The following ST3GAL2 variants were observed in gnomAD, a reference collection of about 807,000 sequenced individuals.
ST3GAL2 encodes ST3 beta-galactoside alpha-2,3-sialyltransferase 2, also known as CMP-N-acetylneuraminate-beta-galactosamide-alpha-2,3-sialyltransferase 2.
Under a neutral mutation model 37.5 loss-of-function variants are expected in ST3GAL2, and 16 were observed. That is an observed-to-expected ratio of 0.43 (90% CI 0.29 to 0.65). The LOEUF (loss-of-function observed/expected upper bound fraction) is 0.65. ST3GAL2 is among the 30% of genes least tolerant of loss of function. The pLI is 0.17. For missense variants in ST3GAL2, 383 were observed against 487.8 expected (o/e 0.79, Z 2.02); for synonymous variants, 238 against 202.9 (o/e 1.17, Z -1.47).
rs905140712 is a variant in ST3GAL2, at chr16:70,439,017, A to AGCCGTC, written c.-1078_-1073dup. ...GGCCGCCGCCGCCGCCCGCGCAGAA[A>AGCCGTC]GCCGTCGCCGCCGCCGCCGCCGCCG... is the stretch of plus-strand genomic sequence containing the variant. On this transcript the variant is annotated 5_prime_UTR_variant, in exon 1 of 7. Coordinates refer to ENST00000342907, the MANE Select transcript of ST3GAL2 (RefSeq NM_006927.4). The AGCCGTC allele has an allele frequency of 1.1e-4, 17 of 161,416 alleles. No individual in the cohort carries two copies. The highest frequency in any genetic ancestry group is 5.8e-3 in the Middle Eastern group (2 of 342). The allele number at this position is 161,416 out of a possible 1,614,324, so 10.0% of individuals were successfully genotyped here.
Position 70,398,821 on chromosome 16 carries a change from C to A in ST3GAL2, c.-291G>T. 1.8e-6 allele frequency: 1 copy of A among 565,128 alleles called. No individual in the cohort carries two copies. The highest frequency in any genetic ancestry group is 2.5e-5 in the South Asian group (1 of 40,562). 35.0% of individuals were successfully genotyped at this position (565,128 alleles called of 1,614,324 possible). A position where few individuals can be genotyped will look rare whatever the true frequency, so the allele number is the denominator to read the frequency against. On this transcript the variant is annotated 5_prime_UTR_variant, in exon 2 of 7. Transcript: ENST00000342907. ...ACAGAGGCTCTGCCTCTCCTGCCACCCTGGTGAGGGGGAGGTCAGTCCATT... is the reference window on the plus strand; with the variant it reads ...ACAGAGGCTCTGCCTCTCCTGCCACACTGGTGAGGGGGAGGTCAGTCCATT...
intron 1 of ST3GAL2, among the ~76,000 whole-genome samples, chr16:70,413,160 G>A (rs1485446455): frequency 6.6e-6 from 1 of 151,948 alleles, no homozygotes; most frequent in Non-Finnish European, 1.5e-5. Flanking sequence ...TGAGACAGGA[G>A]ACTCACTTGA....
intron 3 of ST3GAL2, among the ~76,000 whole-genome samples, chr16:70,389,102 G>A (rs1348112114): frequency 2.7e-4 from 36 of 135,244 alleles, no homozygotes; most frequent in South Asian, 4.8e-4. Context: ...AAGGTTGGCC[G>A]GGCGCGGTGG....
At chr16:70,423,180 G>C (rs569916173) in intron 1 of ST3GAL2, 6 of 152,176 alleles carry the variant, frequency 3.9e-5, no homozygotes, top group Admixed American at 6.6e-5. Flanking sequence ...ATCTCCCCCC[G>C]GGCCATTAAG....
At chr16:70,395,972 CTTT>C (rs11353666) in intron 2 of ST3GAL2, among the ~76,000 whole-genome samples, 9 of 141,648 alleles carry the variant, frequency 6.4e-5, no homozygotes, top group African/African-American at 1.0e-4. Flanking sequence ...ATGAAATACT[CTTT>C]TTTTTTTTTT....
At chr16:70,397,043 C>CCT (rs552086739) in intron 2 of ST3GAL2, among the ~76,000 whole-genome samples, 1 of 130,286 alleles carries the variant, frequency 7.7e-6, no homozygotes, top group Non-Finnish European at 1.6e-5. Flanking sequence ...TCTTTTCTTT[C>CCT]TTTTTTTTTT....
At position 70,420,702 on chromosome 16, in the gene ST3GAL2, C is replaced by A. The variant is rs780307330; in HGVS notation, c.-1004+18247G>T. Among the ~76,000 whole-genome samples, 110 of 152,314 alleles carry A rather than the reference C, an allele frequency of 7.2e-4. 2 individuals are homozygous for A. The highest frequency in any genetic ancestry group is 3.4e-3 in the Middle Eastern group (1 of 294). Reference sequence around the variant, plus strand: ...TGTTTTTATTCTTTGCACGCCCTATCTTTAGCTTTCTTTTGTTCTCCTTTT... The same window carrying A: ...TGTTTTTATTCTTTGCACGCCCTATATTTAGCTTTCTTTTGTTCTCCTTTT... On this transcript the variant is annotated intron_variant, in intron 1 of 6. Transcript: ENST00000342907.
intron 2 of ST3GAL2, 106 bp from the exon 3 acceptor site, chr16:70,395,281 C>A: frequency 9.4e-7 from 1 of 1,068,800 alleles, no homozygotes; most frequent in Non-Finnish European, 1.3e-6. Flanking sequence ...TGTCTGGGCA[C>A]AGGCCTCTTT....
chr16:70,421,403 C>T (rs149054840), intron 1 of ST3GAL2, among the ~76,000 whole-genome samples: 4 of 152,316 alleles, frequency 2.6e-5, no homozygotes, highest in Admixed American at 1.3e-4. Flanking sequence ...GTCCCTGCTG[C>T]CCATCCTCAA....
chr16:70,430,956 G>A, intron 1 of ST3GAL2, among the ~76,000 whole-genome samples: 1 of 152,068 alleles, frequency 6.6e-6, no homozygotes, highest in East Asian at 1.9e-4. Flanking sequence ...TCAAATCGCT[G>A]GTGCTTTGTG....
At chr16:70,420,380 G>A (rs191411053) in intron 1 of ST3GAL2, among the ~76,000 whole-genome samples, 1 of 152,300 alleles carries the variant, frequency 6.6e-6, no homozygotes, top group Admixed American at 6.5e-5. Flanking sequence ...GGGAGACCTA[G>A]GGAAACAGGC....
At chr16:70,382,964 G>A (rs2047416569) in intron 5 of ST3GAL2, 40 bp from the exon 6 acceptor site, 3 of 1,605,574 alleles carry the variant, frequency 1.9e-6, no homozygotes, top group African/African-American at 2.7e-5. Flanking sequence ...AGGGGTTTAG[G>A]GGCAGAGATT....
intron 1 of ST3GAL2, among the ~76,000 whole-genome samples, chr16:70,428,666 C>A (rs1187542572): frequency 6.6e-6 from 1 of 152,242 alleles, no homozygotes; most frequent in African/African-American, 2.4e-5. Context: ...AAGGTCCCCA[C>A]ACGTCCCCTG....
intron 1 of ST3GAL2, among the ~76,000 whole-genome samples, chr16:70,414,247 A>G (rs945825683): frequency 2.0e-5 from 3 of 152,204 alleles, no homozygotes; most frequent in Non-Finnish European, 4.4e-5. Context: ...AGCCAACACA[A>G]TGAGGGCAGG....
intron 2 of ST3GAL2, among the ~76,000 whole-genome samples, chr16:70,397,618 T>C (rs113139856): frequency 0.088 from 13,361 of 151,698 alleles, 1,958 homozygotes; most frequent in African/African-American, 0.31. Context: ...TCCAGCTACT[T>C]GGGAGGCTGA....
chr16:70,411,077 G>A (rs1304996762), intron 1 of ST3GAL2, among the ~76,000 whole-genome samples: 2 of 152,014 alleles, frequency 1.3e-5, no homozygotes, highest in South Asian at 2.1e-4. Flanking sequence ...GGGCCATCTT[G>A]GAAAGATTTT....
chr16:70,436,180 C>G (rs1452903691), intron 1 of ST3GAL2, among the ~76,000 whole-genome samples: 1 of 145,308 alleles, frequency 6.9e-6, no homozygotes, highest in East Asian at 2.1e-4. Flanking sequence ...GTAATCCCAG[C>G]ACTTTGGGAG....
chr16:70,414,053 A>G (rs2151671139), intron 1 of ST3GAL2, among the ~76,000 whole-genome samples: 1 of 152,304 alleles, frequency 6.6e-6, no homozygotes, highest in South Asian at 2.1e-4. Flanking sequence ...GCGTACATGA[A>G]TATATTTTTA....
intron 1 of ST3GAL2, among the ~76,000 whole-genome samples, chr16:70,430,703 G>C (rs942413510): frequency 6.6e-6 from 1 of 152,146 alleles, no homozygotes; most frequent in Non-Finnish European, 1.5e-5. Context: ...CAGAGAGAGG[G>C]CCAGGCCCCA....
Sources: allele counts gnomAD v4.1 joint callset (sites outside exome capture counted in the v4.1 genomes callset), GRCh38; gene constraint gnomAD v4.1.1; transcripts MANE v1.5; gene names NCBI Gene and HGNC (gene_info 2026-07-23, HGNC 2026-07-21).